The following CACNA2D1 variants were observed in gnomAD, a reference collection of about 807,000 sequenced individuals.
CACNA2D1 encodes the protein calcium voltage-gated channel auxiliary subunit alpha2delta 1.
A neutral mutation model predicts 171.5 loss-of-function variants in CACNA2D1; 53 were observed. The observed-to-expected ratio is 0.31, with a 90% CI of 0.25 to 0.39. The LOEUF is 0.39. Among genes scored for constraint, CACNA2D1 ranks in the 10% least tolerant of loss-of-function variants. The probability of loss-of-function intolerance (pLI) is 1.00; values close to 1 mark genes in which losing one functional copy is unlikely to be tolerated. For missense variants in CACNA2D1, 903 were observed against 1,299.8 expected (o/e 0.69, Z 4.69); for synonymous variants, 442 against 443.1 (o/e 1.00, Z 0.03).
At chr7:82,218,344 T>C (rs1309227804) in intron 3 of CACNA2D1, among the ~76,000 whole-genome samples, 1 of 152,196 alleles carries the variant, frequency 6.6e-6, no homozygotes, top group African/African-American at 2.4e-5. Context: ...CGCTCTCTTA[T>C]TCAAGTTCAG....
chr7:82,137,291 G>C (rs1004436889), intron 4 of CACNA2D1, among the ~76,000 whole-genome samples: 1 of 152,100 alleles, frequency 6.6e-6, no homozygotes, highest in Non-Finnish European at 1.5e-5. Context: ...CTAGCCATCA[G>C]TTTCCTGAAA....
intron 4 of CACNA2D1, among the ~76,000 whole-genome samples, chr7:82,149,736 G>C (rs1177235662): frequency 6.6e-6 from 1 of 150,820 alleles, no homozygotes. Context: ...AGACCACCCT[G>C]GCTAATACGG....
chr7:82,181,986 A>G (rs1040449241), intron 3 of CACNA2D1, among the ~76,000 whole-genome samples: 3 of 152,226 alleles, frequency 2.0e-5, no homozygotes, highest in Admixed American at 6.5e-5. Flanking sequence ...ATTAATTTGC[A>G]TTAACAAAAT....
At chr7:82,358,062 T>G (rs1820665952) in intron 1 of CACNA2D1, among the ~76,000 whole-genome samples, 1 of 152,124 alleles carries the variant, frequency 6.6e-6, no homozygotes, top group African/African-American at 2.4e-5. Flanking sequence ...AATTTAAATA[T>G]CAAAAGATCT....
rs144352561 is a variant in CACNA2D1, at chr7:82,407,816, T to C, written c.95+35549A>G. On this transcript the variant is annotated intron_variant, in intron 1 of 38. Transcript: ENST00000356860. ...TAAATCATTTTTGAACAAATAATCATTTCTATTGAACTGATATAGCCCATC... is the reference window on the plus strand; with the variant it reads ...TAAATCATTTTTGAACAAATAATCACTTCTATTGAACTGATATAGCCCATC... 1.2e-4 allele frequency among the ~76,000 whole-genome samples: 19 copies of C among 152,226 alleles called. No homozygotes were observed. The East Asian group carries it at 2.9e-3, about 23-fold the overall frequency.
Position 81,948,588 on chromosome 7 carries a change from G to C in CACNA2D1, c.*1804C>G, listed in dbSNP as rs561459042. Reference sequence around the variant, plus strand: ...ATCTTTTAAGCTACGTTAAATTATTGGTTATATCTTTGATATGTGGAGCAT... The same window carrying C: ...ATCTTTTAAGCTACGTTAAATTATTCGTTATATCTTTGATATGTGGAGCAT... On this transcript the variant is annotated 3_prime_UTR_variant, in exon 39 of 39. Coordinates refer to ENST00000356860, the MANE Select transcript of CACNA2D1 (RefSeq NM_000722.4). 2 of 151,812 alleles carry C rather than the reference G, an allele frequency of 1.3e-5. No homozygotes were observed. The highest frequency in any genetic ancestry group is 4.8e-5 in the African/African-American group (2 of 41,472). 9.4% of individuals were successfully genotyped at this position (151,812 alleles called of 1,614,324 possible). A position where few individuals can be genotyped will look rare whatever the true frequency, so the allele number is the denominator to read the frequency against.
chr7:82,015,202 A>G (rs1244814289), intron 12 of CACNA2D1, among the ~76,000 whole-genome samples: 1 of 152,252 alleles, frequency 6.6e-6, no homozygotes, highest in Non-Finnish European at 1.5e-5. Context: ...GGTATGTAGT[A>G]ATGAAAAAGT....
chr7:82,393,695 T>C (rs1048703761), intron 1 of CACNA2D1, among the ~76,000 whole-genome samples: 1 of 152,220 alleles, frequency 6.6e-6, no homozygotes, highest in African/African-American at 2.4e-5. Context: ...ACTGTATTTA[T>C]ACTAAAGCTT....
chr7:82,189,536 C>A (rs1798091009), intron 3 of CACNA2D1, among the ~76,000 whole-genome samples: 3 of 151,742 alleles, frequency 2.0e-5, no homozygotes, highest in African/African-American at 7.3e-5. Context: ...TTTATTATAT[C>A]TTTCATAGAT....
chr7:82,368,407 C>A (rs998752014), intron 1 of CACNA2D1, among the ~76,000 whole-genome samples: 2 of 152,120 alleles, frequency 1.3e-5, no homozygotes, highest in Non-Finnish European at 2.9e-5. Context: ...TTCTGTGAAG[C>A]AGGAAAATAA....
At position 82,410,631 on chromosome 7, in the gene CACNA2D1, TCTGA is replaced by T. The variant is rs771748774; in HGVS notation, c.95+32730_95+32733del. 2.6e-5 allele frequency: 12 copies of T among 464,374 alleles called. No homozygotes were observed. The East Asian group carries it at 1.2e-3, about 48-fold the overall frequency. The allele number at this position is 464,374 out of a possible 1,614,324, so 28.8% of individuals were successfully genotyped here. ...GGCAGACTGCAAGAGAGAAGGCGAGTCTGACTGAGCAGGCGCGTAAGGGCAAATC... is the reference window on the plus strand; with the variant it reads ...GGCAGACTGCAAGAGAGAAGGCGAGTCTGAGCAGGCGCGTAAGGGCAAATC... On this transcript the variant is annotated intron_variant, in intron 1 of 38. Coordinates refer to ENST00000356860, the MANE Select transcript of CACNA2D1 (RefSeq NM_000722.4).
Position 82,335,153 on chromosome 7 carries a change from G to T in CACNA2D1, c.276C>A (p.Asn92Lys), listed in dbSNP as rs1239260840. The change falls in exon 3 of 39, where the codon AAC (asparagine) becomes AAA (lysine). Residue 92 changes from asparagine to lysine, a missense_variant. Physicochemically the swap from Asn to Lys is moderately conservative, Grantham distance 94. This residue lies in a region of CACNA2D1 where 189 missense variants were observed against 266.8 expected (regional missense o/e 0.71). Transcript: ENST00000356860. ...AARDIEKLLS[N>K]RSKALVRLAL... ...AACTCACCACCAGGGCTTTAGATCTGTTGCTCAGAAGTTTCTCAATATCCC... is the reference window on the plus strand; with the variant it reads ...AACTCACCACCAGGGCTTTAGATCTTTTGCTCAGAAGTTTCTCAATATCCC... The T allele has an allele frequency of 6.2e-7, 1 of 1,606,940 alleles. No individual in the cohort carries two copies. The highest frequency in any genetic ancestry group is 1.1e-5 in the South Asian group (1 of 90,926).
At chr7:82,074,809 T>G (rs1298250966) in intron 7 of CACNA2D1, among the ~76,000 whole-genome samples, 2 of 152,186 alleles carry the variant, frequency 1.3e-5, no homozygotes, top group South Asian at 2.1e-4. Flanking sequence ...TTTAGGATAT[T>G]CAGATCATAT....
chr7:82,255,246 A>G (rs970959243), intron 3 of CACNA2D1, among the ~76,000 whole-genome samples: 3 of 151,982 alleles, frequency 2.0e-5, no homozygotes, highest in African/African-American at 7.3e-5. Flanking sequence ...TCCCTCTTCC[A>G]CTAGTTCTCT....
At chr7:82,074,045 CA>C (rs1163600415) in intron 7 of CACNA2D1, among the ~76,000 whole-genome samples, 2 of 152,124 alleles carry the variant, frequency 1.3e-5, no homozygotes, top group South Asian at 2.1e-4. Context: ...AAATATAATA[CA>C]GGGGTAAACA....
intron 10 of CACNA2D1, among the ~76,000 whole-genome samples, chr7:82,038,754 A>C (rs183623826): frequency 1.3e-3 from 200 of 152,310 alleles, no homozygotes; most frequent in Non-Finnish European, 2.2e-3. Flanking sequence ...AGCAATCTGA[A>C]TCAAGAACAA....
At chr7:82,101,753 C>T (rs1368907653) in intron 6 of CACNA2D1, among the ~76,000 whole-genome samples, 3 of 152,010 alleles carry the variant, frequency 2.0e-5, no homozygotes, top group African/African-American at 4.8e-5. Context: ...TGCTTCTTTC[C>T]GTTTTTTACC....
At chr7:82,183,016 A>T (rs1053471129) in intron 3 of CACNA2D1, among the ~76,000 whole-genome samples, 10 of 148,962 alleles carry the variant, frequency 6.7e-5, no homozygotes, top group African/African-American at 2.5e-4. Context: ...CAGCCCGGGC[A>T]ATAGTGTGAG....
rs74797524 is a variant in CACNA2D1, at chr7:82,390,012, T to A, written c.96-40363A>T. Among the ~76,000 whole-genome samples, 778 of 152,306 alleles carry A rather than the reference T, an allele frequency of 5.1e-3. 9 individuals are homozygous for A. The highest frequency in any genetic ancestry group is 0.017 in the African/African-American group (694 of 41,570). ...AGAAGACACTTCCAGTCTGCGGAAG[T>A]TTCTCTGAGGTCTTCAGGGAATAGG... is the stretch of plus-strand genomic sequence containing the variant. On this transcript the variant is annotated intron_variant, in intron 1 of 38. Coordinates refer to ENST00000356860, the MANE Select transcript of CACNA2D1 (RefSeq NM_000722.4).
Sources: allele counts gnomAD v4.1 joint callset (sites outside exome capture counted in the v4.1 genomes callset), GRCh38; gene constraint gnomAD v4.1.1; regional missense constraint gnomAD v4.1.1; transcripts MANE v1.5; gene names NCBI Gene and HGNC (gene_info 2026-07-23, HGNC 2026-07-21).